Variants in G3BP1 observed in about 807,000 individuals in gnomAD.
G3BP1 encodes the protein G3BP stress granule assembly factor 1.
Under a neutral mutation model 58.6 loss-of-function variants are expected in G3BP1, and 35 were observed. The ratio of observed to expected loss-of-function variants is 0.60; its 90% confidence interval spans 0.46 to 0.79. The LOEUF (loss-of-function observed/expected upper bound fraction) is 0.79, where lower values mean the gene tolerates loss of function less well. G3BP1 is among the 30% of genes least tolerant of loss of function. The pLI, the probability that G3BP1 is intolerant of heterozygous loss-of-function variation, is 0.00. For synonymous variants in G3BP1, 191 were observed against 195.4 expected, an observed-to-expected ratio of 0.98 and a Z score of 0.19; for missense variants, 523 against 580.8, an observed-to-expected ratio of 0.90 and a Z score of 1.02.
intron 1 of G3BP1, among the ~76,000 whole-genome samples, chr5:151,780,137 G>A (rs967302366): frequency 5.9e-5 from 9 of 152,044 alleles, no homozygotes; most frequent in African/African-American, 1.4e-4. Context: ...ATACTTTGGC[G>A]CATCTCTTGT....
chr5:151,782,059 A>G (rs1412812781), intron 1 of G3BP1, among the ~76,000 whole-genome samples: 3 of 152,138 alleles, frequency 2.0e-5, no homozygotes, highest in Non-Finnish European at 2.9e-5. Context: ...GAAAATATCC[A>G]TCCAGGTGAC....
At chr5:151,782,875 T>C (rs1354420113) in intron 1 of G3BP1, among the ~76,000 whole-genome samples, 2 of 129,212 alleles carry the variant, frequency 1.5e-5, no homozygotes, top group African/African-American at 5.9e-5. Flanking sequence ...TTTTTTTTTT[T>C]GAGATGGACT....
chr5:151,789,841 G>A (rs1274409555), intron 2 of G3BP1, among the ~76,000 whole-genome samples: 1 of 152,064 alleles, frequency 6.6e-6, no homozygotes, highest in East Asian at 1.9e-4. Flanking sequence ...TGGCATGTAG[G>A]GGATACAGAG....
intron 1 of G3BP1, among the ~76,000 whole-genome samples, chr5:151,780,710 T>G (rs555779979): frequency 6.6e-6 from 1 of 152,296 alleles, no homozygotes; most frequent in South Asian, 2.1e-4. Context: ...AGACGGGGTT[T>G]TACCGCATTA....
intron 1 of G3BP1, among the ~76,000 whole-genome samples, chr5:151,776,153 A>G (rs1762366056): frequency 6.6e-6 from 1 of 152,162 alleles, no homozygotes; most frequent in South Asian, 2.1e-4. Flanking sequence ...TGACCATGAC[A>G]CTTGATCTCA....
intron 1 of G3BP1, among the ~76,000 whole-genome samples, chr5:151,775,663 T>C (rs762662178): frequency 2.6e-5 from 4 of 152,266 alleles, no homozygotes; most frequent in Admixed American, 6.5e-5. Context: ...CTGGAGTGTA[T>C]CCACCTGTCT....
At chr5:151,790,156 G>A (rs1347664947) in intron 2 of G3BP1, among the ~76,000 whole-genome samples, 167 bp from the exon 3 acceptor site, 18 of 149,070 alleles carry the variant, frequency 1.2e-4, no homozygotes, top group South Asian at 1.1e-3. Flanking sequence ...TCATAGCCCC[G>A]GCACATCGAA....
rs1388723575 is a variant in G3BP1, at chr5:151,808,011, G to A, written c.*3920G>A. 1.3e-5 allele frequency: 2 copies of A among 152,106 alleles called. No homozygotes were observed. The highest frequency in any genetic ancestry group is 2.9e-5 in the Non-Finnish European group (2 of 68,008). 9.4% of individuals were successfully genotyped at this position (152,106 alleles called of 1,614,324 possible). ...CTTGAAGTAACATCAGCATTTATTT[G>A]AATATCAGGTTTTAGCTAACTGCCT... On this transcript the variant is annotated 3_prime_UTR_variant, in exon 12 of 12. Transcript: ENST00000356245.
intron 3 of G3BP1, among the ~76,000 whole-genome samples, chr5:151,790,687 T>C (rs887538108): frequency 6.6e-6 from 1 of 152,172 alleles, no homozygotes. Flanking sequence ...AGTGTGTTAA[T>C]TCAGGACAGT....
At chr5:151,791,807 C>T in intron 4 of G3BP1, 1 of 269,052 alleles carries the variant, frequency 3.7e-6, no homozygotes, top group Non-Finnish European at 7.3e-6. Context: ...TAGGCGTGTG[C>T]TACCGTACTC....
intron 3 of G3BP1, 70 bp from the exon 4 acceptor site, chr5:151,790,819 T>G: frequency 1.1e-6 from 1 of 886,586 alleles, no homozygotes; most frequent in Non-Finnish European, 1.7e-6. Context: ...GAAGGTTTTT[T>G]TTAGTTGGAG....
At chr5:151,781,642 A>G (rs1321664946) in intron 1 of G3BP1, among the ~76,000 whole-genome samples, 2 of 152,246 alleles carry the variant, frequency 1.3e-5, no homozygotes, top group Non-Finnish European at 2.9e-5. Flanking sequence ...TCTGTACCAT[A>G]GGTTGAGGTG....
chr5:151,793,290 G>A (rs181769438), intron 4 of G3BP1, among the ~76,000 whole-genome samples: 185 of 152,204 alleles, frequency 1.2e-3, no homozygotes, highest in African/African-American at 4.2e-3. Flanking sequence ...TGTATTTTTA[G>A]TAGAGATGGG....
chr5:151,797,187 A>AT (rs1561536340), intron 6 of G3BP1, 40 bp from the exon 7 acceptor site: 21 of 1,599,128 alleles, frequency 1.3e-5, no homozygotes, highest in Non-Finnish European at 1.8e-5. Context: ...TGTGAAATAA[A>AT]TGGTGGCAGA....
chr5:151,782,561 G>A (rs1762485664), intron 1 of G3BP1, among the ~76,000 whole-genome samples: 1 of 152,078 alleles, frequency 6.6e-6, no homozygotes, highest in East Asian at 1.9e-4. Flanking sequence ...ATCCATTGGT[G>A]TATGCTGTTA....
intron 2 of G3BP1, 78 bp downstream of exon 2, chr5:151,786,793 C>G: frequency 1.1e-6 from 1 of 875,194 alleles, no homozygotes; most frequent in Non-Finnish European, 1.9e-6. Context: ...TCCCACTCAT[C>G]ATCTTATGCT....
At position 151,790,367 on chromosome 5, in the gene G3BP1, CA is replaced by C; in HGVS notation, c.143del (p.Asn48MetfsTer18). 6.3e-7 allele frequency: 1 copy of C among 1,585,286 alleles called. No individual in the cohort carries two copies. The highest frequency in any genetic ancestry group is 2.3e-5 in the East Asian group (1 of 43,092). On this transcript the variant is annotated frameshift_variant, in exon 3 of 12. Coordinates refer to ENST00000356245, the MANE Select transcript of G3BP1 (RefSeq NM_005754.3). LOFTEE classifies it high-confidence loss of function. ...NSSYVHGGLD[S>X]NGKPADAVYG... ...TCTTATGTCCATGGGGGATTGGATTCAAATGGAAAGCCAGCAGATGCAGTCT... is the reference window on the plus strand; with the variant it reads ...TCTTATGTCCATGGGGGATTGGATTCAATGGAAAGCCAGCAGATGCAGTCT...
Position 151,807,021 on chromosome 5 carries a change from CTG to C in G3BP1, c.*2932_*2933del, listed in dbSNP as rs1297205575. ...GTAATTAGACATCTTGGGCCTTAAA[CTG>C]TATTTTTGTTTTAGTGGTGAGGTTG... On this transcript the variant is annotated 3_prime_UTR_variant, in exon 12 of 12. Coordinates refer to ENST00000356245, the MANE Select transcript of G3BP1 (RefSeq NM_005754.3). 6.6e-6 allele frequency: 1 copy of C among 152,094 alleles called. No individual in the cohort carries two copies. The highest frequency in any genetic ancestry group is 1.5e-5 in the Non-Finnish European group (1 of 68,012). The allele number at this position is 152,094 out of a possible 1,614,324, so 9.4% of individuals were successfully genotyped here.
chr5:151,788,490 C>T (rs577305937), intron 2 of G3BP1, among the ~76,000 whole-genome samples: 1 of 151,334 alleles, frequency 6.6e-6, no homozygotes, highest in Admixed American at 6.6e-5. Flanking sequence ...CCTTGACCTC[C>T]AGGGCTCAAG....
Sources: allele counts gnomAD v4.1 joint callset (sites outside exome capture counted in the v4.1 genomes callset), GRCh38; gene constraint gnomAD v4.1.1; transcripts MANE v1.5; gene names NCBI Gene and HGNC (gene_info 2026-07-23, HGNC 2026-07-21).